Variants in MDGA2 observed in about 807,000 individuals in gnomAD.
The protein encoded by MDGA2 is MAM domain containing glycosylphosphatidylinositol anchor 2.
A neutral mutation model predicts 117.8 loss-of-function variants in MDGA2; 40 were observed. That is an observed-to-expected ratio of 0.34 (90% confidence interval 0.26 to 0.44). The LOEUF is 0.44. Ranked by LOEUF, MDGA2 falls within the 20% of genes least tolerant of loss-of-function variation. The pLI, the probability that MDGA2 is intolerant of heterozygous loss-of-function variation, is 1.00. For synonymous variants in MDGA2, 452 were observed against 439.0 expected (o/e 1.03, Z -0.37); for missense variants, 1,123 against 1,250.6 (o/e 0.90, Z 1.54).
chr14:47,618,602 G>C (rs1896990195), intron 1 of MDGA2, among the ~76,000 whole-genome samples: 1 of 152,100 alleles, frequency 6.6e-6, no homozygotes, highest in East Asian at 1.9e-4. Context: ...CAATTTTTCT[G>C]AATGCCGCAT....
At chr14:47,522,307 GTA>G (rs1894884314) in intron 1 of MDGA2, among the ~76,000 whole-genome samples, 1 of 148,728 alleles carries the variant, frequency 6.7e-6, no homozygotes, top group African/African-American at 2.5e-5. Flanking sequence ...ATATGTGTGG[GTA>G]TATATATGTA....
chr14:47,554,110 T>C (rs1895639983), intron 1 of MDGA2, among the ~76,000 whole-genome samples: 2 of 152,252 alleles, frequency 1.3e-5, no homozygotes, highest in Admixed American at 6.5e-5. Context: ...TGGATGCCTA[T>C]GTCCTGGATT....
chr14:47,191,178 TC>T (rs1452669610), intron 3 of MDGA2, among the ~76,000 whole-genome samples: 2 of 151,832 alleles, frequency 1.3e-5, no homozygotes, highest in South Asian at 4.1e-4. Context: ...GTGTCTATTT[TC>T]CCCCTTAGGA....
At chr14:46,938,814 A>T (rs921452479) in intron 9 of MDGA2, among the ~76,000 whole-genome samples, 8 of 152,190 alleles carry the variant, frequency 5.3e-5, no homozygotes, top group African/African-American at 1.7e-4. Flanking sequence ...TTACACTCGC[A>T]TATTTATTGT....
chr14:47,059,185 T>C (rs1173547201), intron 7 of MDGA2: 2 of 790,668 alleles, frequency 2.5e-6, no homozygotes, highest in African/African-American at 3.7e-5. Context: ...AATAATTATC[T>C]GTTTAGTACC....
chr14:47,359,326 C>G (rs1891061852), intron 1 of MDGA2, among the ~76,000 whole-genome samples: 1 of 152,102 alleles, frequency 6.6e-6, no homozygotes, highest in African/African-American at 2.4e-5. Context: ...TGCACTCCAA[C>G]CTGGTGACAT....
chr14:47,594,724 G>A (rs1229183565), intron 1 of MDGA2, among the ~76,000 whole-genome samples: 1 of 152,212 alleles, frequency 6.6e-6, no homozygotes, highest in Non-Finnish European at 1.5e-5. Context: ...ACTAGGCCTA[G>A]TTCCCACTGC....
chr14:46,924,278 T>C (rs10151992), intron 9 of MDGA2, among the ~76,000 whole-genome samples: 3,005 of 152,090 alleles, frequency 0.02, 98 homozygotes, highest in African/African-American at 0.068. Context: ...AATGATTACA[T>C]TGAGATTGCA....
intron 5 of MDGA2, among the ~76,000 whole-genome samples, chr14:47,100,412 G>C (rs2182523): frequency 0.11 from 16,940 of 151,972 alleles, 1,065 homozygotes; most frequent in Admixed American, 0.11. Flanking sequence ...TACATGTTTA[G>C]CATACGTCTA....
rs749574218 is a variant in MDGA2, at chr14:47,204,528, T to C, written c.595+13493A>G. Among the ~76,000 whole-genome samples the C allele has an allele frequency of 2.0e-5, 3 of 151,974 alleles. 1 individual carries two copies. Among genetic ancestry groups the C allele is most frequent in the Non-Finnish European group, 2.9e-5 (2 of 67,908 alleles). On this transcript the variant is annotated intron_variant, in intron 3 of 16. Coordinates refer to ENST00000399232, the MANE Select transcript of MDGA2 (RefSeq NM_001113498.3). ...CTTTGCATTCTCTTCTAAGCTAGAG[T>C]ACAGAAACTATATTCATGGGTTTTT...
intron 1 of MDGA2, among the ~76,000 whole-genome samples, chr14:47,328,903 T>C (rs945307966): frequency 6.6e-6 from 1 of 152,108 alleles, no homozygotes; most frequent in Non-Finnish European, 1.5e-5. Context: ...ATAAAAAAGA[T>C]AAGAATCATA....
intron 1 of MDGA2, among the ~76,000 whole-genome samples, chr14:47,424,562 C>T (rs1425423529): frequency 1.3e-5 from 2 of 152,112 alleles, no homozygotes; most frequent in Non-Finnish European, 2.9e-5. Context: ...TGCATCATTC[C>T]TTGGCACATA....
intron 1 of MDGA2, among the ~76,000 whole-genome samples, chr14:47,336,504 A>T (rs1890462011): frequency 6.6e-6 from 1 of 151,970 alleles, no homozygotes; most frequent in Admixed American, 6.6e-5. Flanking sequence ...CTTATTTTTG[A>T]CGTATAAGTA....
Position 47,440,543 on chromosome 14 carries a change from A to C in MDGA2, c.281-138993T>G, listed in dbSNP as rs543098704. ...TGGCAAAACTGAGAATCACTGGGCA[A>C]TTTTATATAAACGCTTTTCCAGAGA... On this transcript the variant is annotated intron_variant, in intron 1 of 16. Transcript: ENST00000399232. Among the ~76,000 whole-genome samples, 3 of 152,260 alleles carry C rather than the reference A, an allele frequency of 2.0e-5. No individual in the cohort carries two copies. The East Asian group carries it at 5.8e-4, about 30-fold the overall frequency.
At position 47,537,574 on chromosome 14, in the gene MDGA2, TAAAAAAAAA is replaced by T. The variant is rs58060138; in HGVS notation, c.280+136934_280+136942del. On this transcript the variant is annotated intron_variant, in intron 1 of 16. Transcript: ENST00000399232. ...TTATCCACTGTTACCTTCTCTCTGT[TAAAAAAAAA>T]AAAAAAAAAAAAAAAAAAAAAAAAA... Among the ~76,000 whole-genome samples, 180 of 36,596 alleles carry T rather than the reference TAAAAAAAAA, an allele frequency of 4.9e-3. 1 individual carries two copies. Among genetic ancestry groups the T allele is most frequent in the African/African-American group, 0.014 (163 of 11,940 alleles). The allele number at this position is 36,596 out of a possible 152,430, so 24.0% of individuals were successfully genotyped here.
At chr14:47,442,348 G>A (rs1566458895) in intron 1 of MDGA2, among the ~76,000 whole-genome samples, 1 of 152,114 alleles carries the variant, frequency 6.6e-6, no homozygotes, top group African/African-American at 2.4e-5. Flanking sequence ...ACCTACATGA[G>A]AGAGTAAGGC....
intron 2 of MDGA2, among the ~76,000 whole-genome samples, chr14:47,291,103 G>A (rs1888871807): frequency 6.6e-6 from 1 of 152,152 alleles, no homozygotes; most frequent in Non-Finnish European, 1.5e-5. Flanking sequence ...CAACATCAAA[G>A]CAGCTAGATT....
At chr14:46,964,816 A>AT (rs1045550093) in intron 8 of MDGA2, among the ~76,000 whole-genome samples, 6 of 147,672 alleles carry the variant, frequency 4.1e-5, no homozygotes, top group Admixed American at 3.4e-4. Context: ...GTTTGTAGCT[A>AT]TTTTTTTTCT....
chr14:46,869,294 T>C (rs1881902223), intron 14 of MDGA2, among the ~76,000 whole-genome samples: 1 of 151,854 alleles, frequency 6.6e-6, no homozygotes, highest in Non-Finnish European at 1.5e-5. Flanking sequence ...AAATGAATGA[T>C]GCATTTAACT....
Sources: gnomAD v4.1 joint callset for allele counts (sites outside exome capture counted in the v4.1 genomes callset) on GRCh38, gnomAD v4.1.1 for gene constraint, MANE v1.5 for transcripts, NCBI Gene and HGNC (gene_info 2026-07-23, HGNC 2026-07-21) for gene names.